The following BLOC1S5 variants were observed in gnomAD, a reference collection of about 807,000 sequenced individuals.
BLOC1S5 encodes the protein biogenesis of lysosome-related organelles complex 1 subunit 5.
Under a neutral mutation model 24.3 loss-of-function variants are expected in BLOC1S5, and 27 were observed. The ratio of observed to expected loss-of-function variants is 1.11; its 90% CI spans 0.82 to 1.53. The LOEUF (loss-of-function observed/expected upper bound fraction) is 1.53. Ranked by LOEUF, BLOC1S5 falls within the 40% of genes most tolerant of loss-of-function variation. The probability of loss-of-function intolerance (pLI) is 0.00; values close to 1 mark genes in which losing one functional copy is unlikely to be tolerated. For missense variants in BLOC1S5, 239 were observed against 229.4 expected (o/e 1.04, Z -0.27); for synonymous variants, 84 against 74.5 (o/e 1.13, Z -0.66).
chr6:8,047,123 TAAAC>T (rs542784406), intron 2 of BLOC1S5, among the ~76,000 whole-genome samples: 21 of 143,294 alleles, frequency 1.5e-4, no homozygotes, highest in African/African-American at 5.5e-4. Context: ...AGACTTGCCT[TAAAC>T]AAACAATAAG....
At chr6:8,031,770 C>T (rs563523477) in intron 3 of BLOC1S5, among the ~76,000 whole-genome samples, 12 of 152,184 alleles carry the variant, frequency 7.9e-5, no homozygotes, top group South Asian at 2.1e-4. Context: ...TAAAAATAGG[C>T]GCATAGACCA....
At chr6:8,046,062 G>A (rs1478436338) in intron 2 of BLOC1S5, among the ~76,000 whole-genome samples, 2 of 152,158 alleles carry the variant, frequency 1.3e-5, no homozygotes, top group Admixed American at 6.5e-5. Flanking sequence ...AACTTGAATT[G>A]TATCTCCCAG....
chr6:8,058,663 T>C (rs1764409188), intron 2 of BLOC1S5, among the ~76,000 whole-genome samples: 2 of 152,098 alleles, frequency 1.3e-5, no homozygotes, highest in Admixed American at 6.5e-5. Context: ...GCACTCCAGG[T>C]TGGGTTACAG....
At position 8,041,195 on chromosome 6, in the gene BLOC1S5, G is replaced by A. The variant is rs1004563103; in HGVS notation, c.269C>T (p.Thr90Ile). 4 of 1,611,786 alleles carry A rather than the reference G, an allele frequency of 2.5e-6. No individual in the cohort carries two copies. In the Admixed American group the frequency reaches 5.0e-5, roughly 20 times the overall value. Residue 90 changes from threonine (T) to isoleucine (I), a missense_variant, in exon 3 of 5, where the codon ACT (threonine) becomes ATT (isoleucine). Coordinates refer to ENST00000397457, the MANE Select transcript of BLOC1S5 (RefSeq NM_201280.3). ...KNMIHETNEH[T>I]LPKCRDTMRD... Reference sequence around the variant, plus strand: ...CATTGTGTCTCTACATTTGGGAAGAGTATGTTCATTTGTTTCATGGATCAT... The same window carrying A: ...CATTGTGTCTCTACATTTGGGAAGAATATGTTCATTTGTTTCATGGATCAT...
At chr6:8,017,406 A>C (rs995167859) in intron 4 of BLOC1S5, among the ~76,000 whole-genome samples, 5 of 150,710 alleles carry the variant, frequency 3.3e-5, no homozygotes, top group African/African-American at 9.9e-5. Context: ...ACACACACAC[A>C]CCTACAAAGC....
chr6:8,053,591 C>G (rs1239964233), intron 2 of BLOC1S5, among the ~76,000 whole-genome samples: 1 of 152,314 alleles, frequency 6.6e-6, no homozygotes, highest in East Asian at 1.9e-4. Flanking sequence ...ATAGTGTAAA[C>G]ATACTTTTCT....
At chr6:8,023,545 G>T (rs1368227781) in intron 4 of BLOC1S5, among the ~76,000 whole-genome samples, 1 of 151,578 alleles carries the variant, frequency 6.6e-6, no homozygotes, top group South Asian at 2.1e-4. Flanking sequence ...AGCTGAGATC[G>T]TGCCACTGCA....
At position 8,014,945 on chromosome 6, in the gene BLOC1S5, C is replaced by T. The variant is rs1455569138; in HGVS notation, c.*704G>A. The stretch of plus-strand genomic sequence containing the variant: ...AAAATATATTTTTGGTAAGCTTTTC[C>T]TTCTAAGCATGCTTTAAAAAGCTGA... On this transcript the variant is annotated 3_prime_UTR_variant, in exon 5 of 5. Coordinates refer to ENST00000397457, the MANE Select transcript of BLOC1S5 (RefSeq NM_201280.3). The T allele has an allele frequency of 6.6e-6, 1 of 152,662 alleles. No individual in the cohort carries two copies. The highest frequency in any genetic ancestry group is 1.5e-5 in the Non-Finnish European group (1 of 68,042). 9.5% of individuals were successfully genotyped at this position (152,662 alleles called of 1,614,324 possible).
At chr6:8,027,477 T>C in intron 3 of BLOC1S5, 3 of 453,634 alleles carry the variant, frequency 6.6e-6, no homozygotes, top group Non-Finnish European at 1.3e-5. Flanking sequence ...GTACATACTA[T>C]GCTTAAAAGT....
intron 4 of BLOC1S5, among the ~76,000 whole-genome samples, chr6:8,021,940 C>T (rs1762928066): frequency 6.6e-6 from 1 of 151,986 alleles, no homozygotes; most frequent in Non-Finnish European, 1.5e-5. Context: ...AAAATGTATA[C>T]ATTAAGTTAC....
At chr6:8,061,427 C>T (rs951782034) in intron 2 of BLOC1S5, among the ~76,000 whole-genome samples, 1 of 152,092 alleles carries the variant, frequency 6.6e-6, no homozygotes, top group Non-Finnish European at 1.5e-5. Flanking sequence ...GTTAACTGAA[C>T]CAATTACACA....
At chr6:8,023,850 G>A (rs895950032) in intron 4 of BLOC1S5, among the ~76,000 whole-genome samples, 5 of 152,110 alleles carry the variant, frequency 3.3e-5, no homozygotes, top group Non-Finnish European at 5.9e-5. Context: ...ATGTGTATAT[G>A]TGCACATGTG....
chr6:8,054,292 G>A (rs1005993095), intron 2 of BLOC1S5: 3 of 450,150 alleles, frequency 6.7e-6, no homozygotes, highest in Non-Finnish European at 8.9e-6. Context: ...TTTTCTGATA[G>A]TTACACTACA....
chr6:8,031,792 T>G (rs1159553959), intron 3 of BLOC1S5, among the ~76,000 whole-genome samples: 1 of 152,054 alleles, frequency 6.6e-6, no homozygotes, highest in African/African-American at 2.4e-5. Context: ...TGGAACAGAA[T>G]AGAGAACCCA....
At chr6:8,039,291 T>A (rs1266500455) in intron 3 of BLOC1S5, among the ~76,000 whole-genome samples, 1 of 152,044 alleles carries the variant, frequency 6.6e-6, no homozygotes, top group Non-Finnish European at 1.5e-5. Flanking sequence ...CCAGGAAGTA[T>A]AGTGAGGAGG....
intron 3 of BLOC1S5, among the ~76,000 whole-genome samples, chr6:8,037,404 A>T (rs1763523787): frequency 6.6e-6 from 1 of 152,200 alleles, no homozygotes; most frequent in Admixed American, 6.5e-5. Context: ...AATACCTAGC[A>T]ATCAACTGAA....
chr6:8,062,299 A>G (rs12207627), intron 2 of BLOC1S5, among the ~76,000 whole-genome samples: 24,012 of 152,134 alleles, frequency 0.16, 1,966 homozygotes, highest in Admixed American at 0.19. Context: ...AAAAAACCTC[A>G]GATCAACAGA....
chr6:8,034,920 G>T (rs1324072217), intron 3 of BLOC1S5, among the ~76,000 whole-genome samples: 1 of 151,644 alleles, frequency 6.6e-6, no homozygotes, highest in Non-Finnish European at 1.5e-5. Context: ...AGTGGATAAA[G>T]AAAATGTGAT....
intron 2 of BLOC1S5, among the ~76,000 whole-genome samples, chr6:8,041,655 C>CTT (rs1554139177): frequency 8.9e-6 from 1 of 111,870 alleles, no homozygotes; most frequent in African/African-American, 3.2e-5. Context: ...TTCTTTCTTT[C>CTT]TTTTTTTTTG....
Sources: allele counts gnomAD v4.1 joint callset (sites outside exome capture counted in the v4.1 genomes callset), GRCh38; gene constraint gnomAD v4.1.1; transcripts MANE v1.5; gene names NCBI Gene and HGNC (gene_info 2026-07-23, HGNC 2026-07-21).